The following SORCS3 variants were observed in gnomAD, a reference collection of about 807,000 sequenced individuals.
SORCS3 encodes VPS10 domain-containing receptor SorCS3.
SORCS3 carries 57 observed loss-of-function variants against 146.3 expected under a neutral mutation model. The observed-to-expected ratio is 0.39, with a 90% CI of 0.31 to 0.49. The LOEUF (loss-of-function observed/expected upper bound fraction) is 0.49, where lower values mean the gene tolerates loss of function less well. SORCS3 is among the 20% of genes least tolerant of loss of function. SORCS3 has a pLI of 0.92. For synonymous variants in SORCS3, 653 were observed against 618.5 expected, an observed-to-expected ratio of 1.06 and a Z score of -0.83; for missense variants, 1,341 against 1,575.5, an observed-to-expected ratio of 0.85 and a Z score of 2.52.
At chr10:104,713,516 T>C (rs2016443119) in intron 1 of SORCS3, among the ~76,000 whole-genome samples, 1 of 152,220 alleles carries the variant, frequency 6.6e-6, no homozygotes, top group African/African-American at 2.4e-5. Flanking sequence ...AGATGTTGGA[T>C]TTTGTCAAGT....
At chr10:104,842,702 G>A (rs1198411507) in intron 1 of SORCS3, 90 bp from the exon 2 acceptor site, 37 of 945,000 alleles carry the variant, frequency 3.9e-5, no homozygotes, top group Middle Eastern at 4.3e-4. Flanking sequence ...GATAGGAGAT[G>A]CATTATATAT....
intron 9 of SORCS3, among the ~76,000 whole-genome samples, chr10:105,153,638 T>A (rs1389166577): frequency 8.2e-6 from 1 of 121,532 alleles, no homozygotes; most frequent in South Asian, 2.6e-4. Context: ...AGAGAGAGTG[T>A]GTGTGTATGT....
At chr10:105,184,672 A>T (rs1024801814) in intron 14 of SORCS3, among the ~76,000 whole-genome samples, 13 of 152,212 alleles carry the variant, frequency 8.5e-5, no homozygotes, top group African/African-American at 3.1e-4. Context: ...ATTGATATAT[A>T]CAAAATTGCA....
At chr10:104,956,185 C>T (rs2133630415) in intron 3 of SORCS3, among the ~76,000 whole-genome samples, 1 of 152,300 alleles carries the variant, frequency 6.6e-6, no homozygotes, top group East Asian at 1.9e-4. Flanking sequence ...CTGGAACATT[C>T]TATTGGAACC....
chr10:104,740,592 T>G (rs1013075581), intron 1 of SORCS3, among the ~76,000 whole-genome samples: 3 of 152,208 alleles, frequency 2.0e-5, no homozygotes, highest in Non-Finnish European at 4.4e-5. Context: ...ATGAACTCCT[T>G]GTTTGCTTCT....
rs542890713 is a variant in SORCS3 at position 104,747,920 on chromosome 10, A to C, written c.628-94872A>C. 1.6e-4 allele frequency among the ~76,000 whole-genome samples: 24 copies of C among 152,364 alleles called. No individual in the cohort carries two copies. The South Asian group carries it at 4.6e-3, about 29-fold the overall frequency. ...CCCTTGCTAGCCATGAAACCTTGGG[A>C]AAGTTCTTCCTTTATTCCCTGAGTT... On this transcript the variant is annotated intron_variant, in intron 1 of 26. Transcript: ENST00000369701.
intron 4 of SORCS3, among the ~76,000 whole-genome samples, chr10:105,038,106 T>C (rs138167807): frequency 2.0e-3 from 303 of 152,198 alleles, no homozygotes; most frequent in African/African-American, 6.3e-3. Flanking sequence ...TGACATACAG[T>C]GGAAAGAAGG....
intron 5 of SORCS3, among the ~76,000 whole-genome samples, chr10:105,086,499 GAT>G (rs1175398959): frequency 1.1e-4 from 16 of 152,210 alleles, no homozygotes; most frequent in African/African-American, 3.9e-4. Flanking sequence ...AACCTTGAAA[GAT>G]GTGTGAGATT....
intron 4 of SORCS3, among the ~76,000 whole-genome samples, chr10:105,000,764 T>C (rs2055056395): frequency 6.6e-6 from 1 of 152,176 alleles, no homozygotes; most frequent in African/African-American, 2.4e-5. Context: ...GAGGGCACCA[T>C]ATCATGTATC....
At position 105,058,086 on chromosome 10, in the gene SORCS3, T is replaced by C. The variant is rs545096896; in HGVS notation, c.1028+14958T>C. On this transcript the variant is annotated intron_variant, in intron 5 of 26. Coordinates refer to ENST00000369701, the MANE Select transcript of SORCS3 (RefSeq NM_014978.3). ...CCTAACAGTGTGTTGAAGAGAGCTG[T>C]CAAGTAATTTGGGCAGAACTGTGCA... Among the ~76,000 whole-genome samples, 4 of 152,292 alleles carry C rather than the reference T, an allele frequency of 2.6e-5. No homozygotes were observed. In the South Asian group the frequency reaches 8.3e-4, roughly 32 times the overall value.
intron 1 of SORCS3, among the ~76,000 whole-genome samples, chr10:104,719,299 T>A (rs1040052355): frequency 2.6e-5 from 4 of 152,178 alleles, no homozygotes; most frequent in African/African-American, 9.7e-5. Flanking sequence ...ATACCCTGGT[T>A]TTGCTTGTCC....
intron 3 of SORCS3, among the ~76,000 whole-genome samples, chr10:104,964,802 G>T (rs1044132802): frequency 2.0e-5 from 3 of 151,806 alleles, no homozygotes. Flanking sequence ...ATTGTTTTAC[G>T]ACCAATCTCC....
chr10:104,715,639 G>C (rs1167172578), intron 1 of SORCS3, among the ~76,000 whole-genome samples: 1 of 152,170 alleles, frequency 6.6e-6, no homozygotes, highest in Non-Finnish European at 1.5e-5. Flanking sequence ...TAGATCTTCT[G>C]TTTTTGTTTT....
chr10:104,746,448 A>G (rs906009572), intron 1 of SORCS3, among the ~76,000 whole-genome samples: 3 of 152,338 alleles, frequency 2.0e-5, no homozygotes, highest in Admixed American at 1.3e-4. Flanking sequence ...AATGTTTTCA[A>G]TGTGAAGTGA....
chr10:105,091,119 CTCCCTCCT>C (rs138504311), intron 6 of SORCS3, among the ~76,000 whole-genome samples: 26,757 of 117,546 alleles, frequency 0.23, 3,695 homozygotes, highest in Admixed American at 0.32. Context: ...TTTTCCCTCC[CTCCCTCCT>C]TCCCTCCTTC....
chr10:104,865,084 T>G (rs564392719), intron 2 of SORCS3, among the ~76,000 whole-genome samples: 18 of 152,292 alleles, frequency 1.2e-4, no homozygotes, highest in Non-Finnish European at 2.1e-4. Context: ...TTATTTTACA[T>G]CTTATGTAGG....
intron 1 of SORCS3, among the ~76,000 whole-genome samples, chr10:104,777,070 G>A (rs1382067999): frequency 3.9e-5 from 6 of 152,060 alleles, no homozygotes; most frequent in African/African-American, 7.2e-5. Context: ...TACCTCTTGC[G>A]CTGCAGGTAT....
chr10:104,961,067 G>C (rs1564722933), intron 3 of SORCS3, among the ~76,000 whole-genome samples: 1 of 152,054 alleles, frequency 6.6e-6, no homozygotes, highest in Non-Finnish European at 1.5e-5. Context: ...GTAGATAATA[G>C]GCATGTTGGT....
intron 1 of SORCS3, among the ~76,000 whole-genome samples, chr10:104,797,046 T>G (rs2496029): frequency 0.74 from 113,164 of 152,126 alleles, 42,322 homozygotes; most frequent in East Asian, 0.92. Context: ...AGCCTAGCAC[T>G]TACAACAAGG....
Sources: gnomAD v4.1 joint callset for allele counts (sites outside exome capture counted in the v4.1 genomes callset) on GRCh38, gnomAD v4.1.1 for gene constraint, MANE v1.5 for transcripts, NCBI Gene and HGNC (gene_info 2026-07-23, HGNC 2026-07-21) for gene names.